The following MAP3K1 variants were observed in gnomAD, a reference collection of about 807,000 sequenced individuals.
MAP3K1 encodes mitogen-activated protein kinase kinase kinase 1.
A neutral mutation model predicts 144.2 loss-of-function variants in MAP3K1; 36 were observed. That is an observed-to-expected ratio of 0.25 (90% confidence interval 0.19 to 0.33). The LOEUF is 0.33. Among genes scored for constraint, MAP3K1 ranks in the 10% least tolerant of loss-of-function variants. The pLI is 1.00. For synonymous variants in MAP3K1, 718 were observed against 688.7 expected, an observed-to-expected ratio of 1.04 and a Z score of -0.67; for missense variants, 1,650 against 1,881.9, an observed-to-expected ratio of 0.88 and a Z score of 2.28.
chr5:56,840,068 T>C (rs1746766933), intron 1 of MAP3K1, among the ~76,000 whole-genome samples: 1 of 152,248 alleles, frequency 6.6e-6, no homozygotes, highest in South Asian at 2.1e-4. Context: ...AAAGTTGGTT[T>C]TAAAGTCAAA....
At chr5:56,825,821 C>A (rs73135003) in intron 1 of MAP3K1, among the ~76,000 whole-genome samples, 15 of 152,228 alleles carry the variant, frequency 9.9e-5, no homozygotes, top group African/African-American at 3.6e-4. Context: ...CTTTTCTTCA[C>A]CCTCAGAATG....
At chr5:56,883,886 C>G (rs1246147317) in intron 15 of MAP3K1, among the ~76,000 whole-genome samples, 1 of 152,158 alleles carries the variant, frequency 6.6e-6, no homozygotes, top group Non-Finnish European at 1.5e-5. Context: ...TGGTGGCTCA[C>G]ACCTGTAATC....
At chr5:56,838,053 A>T (rs1366733158) in intron 1 of MAP3K1, among the ~76,000 whole-genome samples, 1 of 152,230 alleles carries the variant, frequency 6.6e-6, no homozygotes, top group East Asian at 1.9e-4. Flanking sequence ...TCTGTATGCT[A>T]GGCAAACTCA....
chr5:56,886,152 C>T, intron 17 of MAP3K1, 89 bp downstream of exon 17: 2 of 1,078,434 alleles, frequency 1.9e-6, no homozygotes, highest in Non-Finnish European at 2.8e-6. Flanking sequence ...ACCTGTAATC[C>T]CAGTACTTTG....
chr5:56,860,811 C>G (rs888170280), intron 3 of MAP3K1, among the ~76,000 whole-genome samples: 1 of 151,910 alleles, frequency 6.6e-6, no homozygotes, highest in African/African-American at 2.4e-5. Context: ...CTAGATTACA[C>G]CATTGCACTC....
At chr5:56,863,191 C>G (rs1747570500) in intron 3 of MAP3K1, among the ~76,000 whole-genome samples, 1 of 152,186 alleles carries the variant, frequency 6.6e-6, no homozygotes, top group Non-Finnish European at 1.5e-5. Flanking sequence ...GCTGGCTGTT[C>G]AAGGTGCTAG....
At chr5:56,842,991 A>G (rs1007444449) in intron 1 of MAP3K1, among the ~76,000 whole-genome samples, 10 of 152,044 alleles carry the variant, frequency 6.6e-5, no homozygotes, top group Non-Finnish European at 1.3e-4. Context: ...TACCTTATCT[A>G]TCCAGTCCTA....
intron 19 of MAP3K1, among the ~76,000 whole-genome samples, chr5:56,889,296 G>C (rs1344029351): frequency 6.7e-6 from 1 of 149,448 alleles, no homozygotes; most frequent in Non-Finnish European, 1.5e-5. Flanking sequence ...AGCCTCCCAG[G>C]TAGCTGAGAC....
intron 1 of MAP3K1, among the ~76,000 whole-genome samples, chr5:56,816,821 A>G (rs1745990651): frequency 6.6e-6 from 1 of 152,188 alleles, no homozygotes; most frequent in Non-Finnish European, 1.5e-5. Flanking sequence ...GGGAATGCGA[A>G]CTGCACTGCT....
chr5:56,892,040 A>G (rs1443970720), intron 19 of MAP3K1, among the ~76,000 whole-genome samples: 1 of 152,158 alleles, frequency 6.6e-6, no homozygotes, highest in Non-Finnish European at 1.5e-5. Context: ...TTCCATATGA[A>G]CTTAAGTAGT....
intron 19 of MAP3K1, among the ~76,000 whole-genome samples, chr5:56,889,264 G>A (rs1748475202): frequency 6.6e-6 from 1 of 152,092 alleles, no homozygotes; most frequent in South Asian, 2.1e-4. Flanking sequence ...CGCTTCCCAG[G>A]TTCAGGCAGT....
intron 1 of MAP3K1, among the ~76,000 whole-genome samples, chr5:56,856,230 C>G (rs1259220764): frequency 1.3e-5 from 2 of 152,168 alleles, no homozygotes; most frequent in African/African-American, 2.4e-5. Flanking sequence ...CCACCAGATT[C>G]TATCTGTATT....
chr5:56,824,374 T>C (rs942153785), intron 1 of MAP3K1, among the ~76,000 whole-genome samples: 22 of 152,354 alleles, frequency 1.4e-4, no homozygotes, highest in Middle Eastern at 3.4e-3. Context: ...TTTCAGATGT[T>C]GTTCATGCAG....
Position 56,872,959 on chromosome 5 carries a change from A to C in MAP3K1, c.1640A>C (p.Gln547Pro), listed in dbSNP as rs1312320060. The C allele has an allele frequency of 6.2e-7, 1 of 1,613,996 alleles. No individual in the cohort carries two copies. The highest frequency in any genetic ancestry group is 8.5e-7 in the Non-Finnish European group (1 of 1,179,986). Residue 547 changes from glutamine to proline, a missense_variant, in exon 9 of 20, where the codon CAG (glutamine) becomes CCG (proline). Physicochemically the swap from Gln to Pro is moderately conservative, Grantham distance 76. Transcript: ENST00000399503. Reference protein sequence around the residue: ...SNFNLTHYGTQQIPPAYKDLA... With the variant: ...SNFNLTHYGTPQIPPAYKDLA... ...TTTAACCTTACTCATTATGGAACTC[A>C]GCAAATCCCTCCTGCTTACAAAGAT...
intron 1 of MAP3K1, among the ~76,000 whole-genome samples, chr5:56,848,654 A>T (rs1747071666): frequency 6.6e-6 from 1 of 152,162 alleles, no homozygotes. Flanking sequence ...ATGTTTCTAT[A>T]CTGTGTTCTG....
chr5:56,837,203 TC>T (rs1422257148), intron 1 of MAP3K1, among the ~76,000 whole-genome samples: 1 of 151,956 alleles, frequency 6.6e-6, no homozygotes, highest in Non-Finnish European at 1.5e-5. Context: ...CTTTTGCATC[TC>T]CCCTCCCAGC....
rs760722324 is a variant in MAP3K1 at position 56,875,165 on chromosome 5, G to T, written c.1820G>T (p.Gly607Val). 1 of 1,614,158 alleles carries T rather than the reference G, an allele frequency of 6.2e-7. No individual in the cohort carries two copies. Among genetic ancestry groups the T allele is most frequent in the East Asian group, 2.2e-5 (1 of 44,858 alleles). The change falls in exon 10 of 20, where the codon GGG (glycine) becomes GTG (valine). Residue 607 changes from glycine to valine, a missense_variant. By Grantham distance (109) the Gly-to-Val change is moderately radical. This residue lies in a region of MAP3K1 where 841 missense variants were observed against 886.5 expected (regional missense o/e 0.95). Coordinates refer to ENST00000399503, the MANE Select transcript of MAP3K1 (RefSeq NM_005921.2). Reference sequence around the variant, plus strand: ...AATGGGGAGAGCACTGGAAATTCTGGGGGCAGCAGTGGAAGCAGCCCGAGT... The same window carrying T: ...AATGGGGAGAGCACTGGAAATTCTGTGGGCAGCAGTGGAAGCAGCCCGAGT... ...LANGESTGNSGGSSGSSPSGG... is the reference protein window; with the variant it reads ...LANGESTGNSVGSSGSSPSGG...
At chr5:56,834,854 T>C (rs1214878120) in intron 1 of MAP3K1, among the ~76,000 whole-genome samples, 2 of 152,250 alleles carry the variant, frequency 1.3e-5, no homozygotes, top group Admixed American at 6.5e-5. Context: ...ATTTTACTTA[T>C]ATACAGCTTT....
intron 19 of MAP3K1, among the ~76,000 whole-genome samples, chr5:56,890,775 A>G (rs1166798987): frequency 2.0e-5 from 3 of 152,082 alleles, no homozygotes; most frequent in Non-Finnish European, 2.9e-5. Context: ...GGCCAAGCAC[A>G]GTGGCTCATG....
Sources: gnomAD v4.1 joint callset for allele counts (sites outside exome capture counted in the v4.1 genomes callset) on GRCh38, gnomAD v4.1.1 for gene constraint, gnomAD v4.1.1 regional missense constraint, MANE v1.5 for transcripts, NCBI Gene and HGNC (gene_info 2026-07-23, HGNC 2026-07-21) for gene names.